Variants in GALNTL6 observed in about 807,000 individuals in gnomAD.
GALNTL6 encodes polypeptide N-acetylgalactosaminyltransferase-like 6.
GALNTL6 carries 46 observed loss-of-function variants against 73.7 expected under a neutral mutation model. The ratio of observed to expected loss-of-function variants is 0.62; its 90% CI spans 0.49 to 0.80. GALNTL6 has a LOEUF of 0.80. Among genes scored for constraint, GALNTL6 ranks in the 30% least tolerant of loss-of-function variants. GALNTL6 has a pLI of 0.00. For missense variants in GALNTL6, 604 were observed against 755.0 expected, an observed-to-expected ratio of 0.80 and a Z score of 2.34; for synonymous variants, 259 against 263.7, an observed-to-expected ratio of 0.98 and a Z score of 0.17.
At chr4:172,471,948 T>C (rs550260150) in intron 5 of GALNTL6, among the ~76,000 whole-genome samples, 1 of 152,324 alleles carries the variant, frequency 6.6e-6, no homozygotes, top group South Asian at 2.1e-4. Flanking sequence ...TTCTTCTCTC[T>C]AATATCCAAC....
chr4:172,193,209 CT>C (rs1735639078), intron 2 of GALNTL6, among the ~76,000 whole-genome samples: 1 of 152,214 alleles, frequency 6.6e-6, no homozygotes, highest in Non-Finnish European at 1.5e-5. Flanking sequence ...CCCTTGCCTC[CT>C]GACTGGGTGA....
At chr4:172,219,983 T>C (rs1172526319) in intron 2 of GALNTL6, among the ~76,000 whole-genome samples, 1 of 151,912 alleles carries the variant, frequency 6.6e-6, no homozygotes, top group African/African-American at 2.4e-5. Context: ...GAAAATATTA[T>C]ATTTTACATT....
chr4:172,397,638 T>C (rs1323097909), intron 5 of GALNTL6, among the ~76,000 whole-genome samples: 1 of 151,988 alleles, frequency 6.6e-6, no homozygotes, highest in Non-Finnish European at 1.5e-5. Flanking sequence ...AGTGCAGTGG[T>C]GCGGTCTCTG....
At chr4:172,232,079 CATAA>C (rs10556210) in intron 3 of GALNTL6, among the ~76,000 whole-genome samples, 2,183 of 151,926 alleles carry the variant, frequency 0.014, 55 homozygotes, top group African/African-American at 0.05. Flanking sequence ...TGAAATATAT[CATAA>C]ATAAAAGTGT....
At chr4:172,823,651 T>C (rs1189545703) in intron 7 of GALNTL6, among the ~76,000 whole-genome samples, 5 of 152,022 alleles carry the variant, frequency 3.3e-5, no homozygotes, top group Non-Finnish European at 5.9e-5. Context: ...AAATGGAGCA[T>C]AAATTCTGAT....
At chr4:171,903,521 C>T (rs930879988) in intron 2 of GALNTL6, among the ~76,000 whole-genome samples, 1 of 151,376 alleles carries the variant, frequency 6.6e-6, no homozygotes, top group Non-Finnish European at 1.5e-5. Flanking sequence ...TGATTGCTAG[C>T]ACAGCAGTCT....
At chr4:172,814,658 T>C (rs1052233910) in intron 7 of GALNTL6, among the ~76,000 whole-genome samples, 1 of 152,146 alleles carries the variant, frequency 6.6e-6, no homozygotes, top group Non-Finnish European at 1.5e-5. Flanking sequence ...ATCAATAATA[T>C]GGGCCATAAA....
At chr4:172,728,989 C>T (rs1735992029) in intron 5 of GALNTL6, among the ~76,000 whole-genome samples, 1 of 152,082 alleles carries the variant, frequency 6.6e-6, no homozygotes, top group Non-Finnish European at 1.5e-5. Context: ...AGCATTTTTT[C>T]ATACACCTGT....
At chr4:172,585,717 A>G (rs916094627) in intron 5 of GALNTL6, among the ~76,000 whole-genome samples, 2 of 152,160 alleles carry the variant, frequency 1.3e-5, no homozygotes, top group African/African-American at 4.8e-5. Context: ...CAATAAGCAT[A>G]CATGTGCATG....
chr4:172,579,292 C>T lies in GALNTL6; in HGVS notation c.554-230069C>T, dbSNP rs560632949. 1.8e-4 allele frequency among the ~76,000 whole-genome samples: 27 copies of T among 152,178 alleles called. No individual in the cohort carries two copies. The South Asian group carries it at 5.0e-3, about 28-fold the overall frequency. ...TGGTATATAATCAAAATTTTTTCAA[C>T]GCAACAAGTATTTTTGCCCTGCATT... On this transcript the variant is annotated intron_variant, in intron 5 of 12. Transcript: ENST00000506823.
intron 7 of GALNTL6, among the ~76,000 whole-genome samples, chr4:172,857,181 G>A (rs557924232): frequency 2.0e-5 from 3 of 152,268 alleles, no homozygotes; most frequent in South Asian, 2.1e-4. Flanking sequence ...CCCTGAAGGC[G>A]GGAAGCAAAT....
At chr4:172,540,309 G>A (rs558652041) in intron 5 of GALNTL6, among the ~76,000 whole-genome samples, 1 of 152,016 alleles carries the variant, frequency 6.6e-6, no homozygotes, top group South Asian at 2.1e-4. Flanking sequence ...CAGAGTGCTG[G>A]GATTTCAGGC....
In GALNTL6 at chr4:172,724,923, C is replaced by A. The variant is rs185367779; in HGVS notation, c.554-84438C>A. On this transcript the variant is annotated intron_variant, in intron 5 of 12. Transcript: ENST00000506823. The stretch of plus-strand genomic sequence containing the variant: ...AGCTTGAACATCATCAGGGTGCTAA[C>A]AAGATATCACCTGGGCTCTCCTTCT... Among the ~76,000 whole-genome samples, 118 of 152,240 alleles carry A rather than the reference C, an allele frequency of 7.8e-4. 1 individual carries two copies. In the East Asian group the frequency reaches 0.021, roughly 27 times the overall value.
In GALNTL6 at chr4:172,952,084, C is replaced by G. The variant is rs1561052193; in HGVS notation, c.1197C>G (p.Tyr399Ter). ...AETWMDEFAE[Y>*]IYQRRPEYRH... Reference sequence around the variant, plus strand: ...CCTGGATGGATGAATTTGCCGAGTACATTTACCAGCGGCGGCCGGAGTACA... The same window carrying G: ...CCTGGATGGATGAATTTGCCGAGTAGATTTACCAGCGGCGGCCGGAGTACA... Residue 399 changes from tyrosine to a stop codon, truncating the protein, a stop_gained, in exon 10 of 13, where the codon TAC (tyrosine) becomes TAG (stop). Transcript: ENST00000506823. LOFTEE classifies it high-confidence loss of function. 1.2e-6 allele frequency: 2 copies of G among 1,614,110 alleles called. No individual in the cohort carries two copies. Among genetic ancestry groups the G allele is most frequent in the Non-Finnish European group, 1.7e-6 (2 of 1,180,008 alleles).
At chr4:172,143,457 T>C (rs1733851437) in intron 2 of GALNTL6, among the ~76,000 whole-genome samples, 2 of 152,056 alleles carry the variant, frequency 1.3e-5, no homozygotes. Context: ...TTGTTTCTTT[T>C]TTGCCATCTG....
chr4:172,376,666 G>T (rs553877516), intron 5 of GALNTL6, among the ~76,000 whole-genome samples: 1 of 152,228 alleles, frequency 6.6e-6, no homozygotes, highest in Admixed American at 6.5e-5. Context: ...GGGGTCCGAT[G>T]GTACTCACCG....
At chr4:171,860,994 G>C (rs1735816311) in intron 2 of GALNTL6, among the ~76,000 whole-genome samples, 2 of 152,086 alleles carry the variant, frequency 1.3e-5, no homozygotes, top group South Asian at 4.1e-4. Context: ...GCCTCTCACA[G>C]TATCACTCTG....
At chr4:172,760,755 C>G (rs535502193) in intron 5 of GALNTL6, among the ~76,000 whole-genome samples, 1 of 152,070 alleles carries the variant, frequency 6.6e-6, no homozygotes, top group Non-Finnish European at 1.5e-5. Flanking sequence ...GGACCCTGAT[C>G]CCTCGCCCCA....
Position 171,955,771 on chromosome 4 carries a change from G to GTATA in GALNTL6, c.138+141064_138+141067dup, listed in dbSNP as rs3080343. On this transcript the variant is annotated intron_variant, in intron 2 of 12. Coordinates refer to ENST00000506823, the MANE Select transcript of GALNTL6 (RefSeq NM_001034845.3). ...AAAGGCTGTGTGTGTATACGTGTGT[G>GTATA]TATATATATATATAAATGGCAGCAT... 1.5e-3 allele frequency among the ~76,000 whole-genome samples: 225 copies of GTATA among 150,444 alleles called. 2 individuals are homozygous for GTATA. The highest frequency in any genetic ancestry group is 3.2e-3 in the South Asian group (15 of 4,760).
Sources: allele counts gnomAD v4.1 joint callset (sites outside exome capture counted in the v4.1 genomes callset), GRCh38; gene constraint gnomAD v4.1.1; transcripts MANE v1.5; gene names NCBI Gene and HGNC (gene_info 2026-07-23, HGNC 2026-07-21).